The following NT5C2 variants were observed in gnomAD, a reference collection of about 807,000 sequenced individuals.
The protein encoded by NT5C2 is cytosolic purine 5'-nucleotidase.
NT5C2 carries 58 observed loss-of-function variants against 76.1 expected under a neutral mutation model. That is an observed-to-expected ratio of 0.76 (90% confidence interval 0.62 to 0.95). The LOEUF is 0.95. NT5C2 is among the 40% of genes least tolerant of loss of function. The pLI is 0.00. For missense variants in NT5C2, 478 were observed against 690.3 expected, an observed-to-expected ratio of 0.69 and a Z score of 3.45; for synonymous variants, 229 against 237.4, an observed-to-expected ratio of 0.96 and a Z score of 0.32.
intron 3 of NT5C2, among the ~76,000 whole-genome samples, chr10:103,159,250 TGCACAC>T (rs2084182918): frequency 4.6e-5 from 3 of 65,780 alleles, no homozygotes; most frequent in Non-Finnish European, 8.9e-5. Flanking sequence ...CTCCAAAACA[TGCACAC>T]ACACACACAC....
intron 4 of NT5C2, among the ~76,000 whole-genome samples, chr10:103,134,507 T>A (rs1032252697): frequency 6.6e-6 from 1 of 152,150 alleles, no homozygotes. Context: ...CCACCTATAT[T>A]TCAGAGGATG....
At chr10:103,135,354 A>G (rs929545727) in intron 4 of NT5C2, among the ~76,000 whole-genome samples, 1 of 152,152 alleles carries the variant, frequency 6.6e-6, no homozygotes, top group African/African-American at 2.4e-5. Flanking sequence ...ATGAGATCTG[A>G]TGGTTTTAAA....
intron 4 of NT5C2, among the ~76,000 whole-genome samples, chr10:103,121,041 G>C (rs1214283985): frequency 6.6e-6 from 1 of 152,100 alleles, no homozygotes; most frequent in Non-Finnish European, 1.5e-5. Flanking sequence ...AACAAGTATT[G>C]TATAATTTCA....
chr10:103,129,790 C>G (rs1289429434), intron 4 of NT5C2, among the ~76,000 whole-genome samples: 3 of 106,244 alleles, frequency 2.8e-5, no homozygotes, highest in Admixed American at 8.7e-5. Context: ...CCGCCCCGTC[C>G]GGGAGGTGAG....
chr10:103,093,755 A>C (rs2067477827), intron 14 of NT5C2: 6 of 509,750 alleles, frequency 1.2e-5, no homozygotes, highest in Middle Eastern at 5.2e-4. Context: ...TAAAAAAAAA[A>C]CTGATCATTT....
intron 4 of NT5C2, among the ~76,000 whole-genome samples, chr10:103,121,786 A>T (rs1025034183): frequency 6.6e-6 from 1 of 152,176 alleles, no homozygotes; most frequent in Non-Finnish European, 1.5e-5. Flanking sequence ...CCTAGAAAGG[A>T]GGGGAGGGCA....
intron 3 of NT5C2, among the ~76,000 whole-genome samples, chr10:103,143,005 A>G (rs1315397486): frequency 6.6e-6 from 1 of 150,878 alleles, no homozygotes; most frequent in Non-Finnish European, 1.5e-5. Context: ...AAAAAAAAAG[A>G]AGAATAGAAA....
chr10:103,136,195 G>A (rs913000470), intron 4 of NT5C2, among the ~76,000 whole-genome samples: 4 of 152,080 alleles, frequency 2.6e-5, no homozygotes, highest in African/African-American at 9.7e-5. Context: ...TGAAAATCTC[G>A]ATAAACTGTC....
At chr10:103,130,017 A>G (rs2077783647) in intron 4 of NT5C2, among the ~76,000 whole-genome samples, 1 of 150,492 alleles carries the variant, frequency 6.6e-6, no homozygotes, top group Non-Finnish European at 1.5e-5. Context: ...GGAAGTGAGG[A>G]GCCCCTCTGC....
intron 3 of NT5C2, among the ~76,000 whole-genome samples, chr10:103,150,324 C>T (rs1397932114): frequency 6.6e-6 from 1 of 152,150 alleles, no homozygotes; most frequent in South Asian, 2.1e-4. Context: ...GCTTACTTAG[C>T]AATACTTCTG....
At chr10:103,142,021 A>G (rs1233970827) in intron 3 of NT5C2, among the ~76,000 whole-genome samples, 1 of 152,206 alleles carries the variant, frequency 6.6e-6, no homozygotes, top group Non-Finnish European at 1.5e-5. Context: ...AAGGCAACGC[A>G]GGCAAAATAA....
intron 3 of NT5C2, among the ~76,000 whole-genome samples, chr10:103,145,281 G>C (rs2081280670): frequency 6.6e-6 from 1 of 152,186 alleles, no homozygotes; most frequent in Non-Finnish European, 1.5e-5. Flanking sequence ...CCAGGATACA[G>C]TCTTCAAGAG....
intron 4 of NT5C2, among the ~76,000 whole-genome samples, chr10:103,126,308 G>T (rs961998839): frequency 5.9e-5 from 9 of 152,148 alleles, no homozygotes; most frequent in African/African-American, 2.2e-4. Context: ...ATTGTAAATA[G>T]GCTTGGCAGG....
intron 4 of NT5C2, among the ~76,000 whole-genome samples, chr10:103,132,830 G>A (rs756656423): frequency 2.6e-4 from 39 of 152,134 alleles, no homozygotes; most frequent in African/African-American, 8.2e-4. Flanking sequence ...GATTATAGGC[G>A]TGAGCCACCG....
chr10:103,180,532 G>C (rs1452600591), intron 2 of NT5C2, among the ~76,000 whole-genome samples: 1 of 152,172 alleles, frequency 6.6e-6, no homozygotes, highest in African/African-American at 2.4e-5. Flanking sequence ...AGGAGTTCAA[G>C]AGCAGCCTGG....
intron 1 of NT5C2, among the ~76,000 whole-genome samples, chr10:103,188,176 G>A (rs955944070): frequency 6.6e-5 from 10 of 152,014 alleles, no homozygotes; most frequent in East Asian, 5.8e-4. Flanking sequence ...CCAACATAGC[G>A]AAACCCCCAT....
chr10:103,144,948 A>G (rs1187444608), intron 3 of NT5C2, among the ~76,000 whole-genome samples: 1 of 152,150 alleles, frequency 6.6e-6, no homozygotes, highest in African/African-American at 2.4e-5. Context: ...TCTCCCCCCA[A>G]TTCATTTCTA....
At chr10:103,169,201 C>T (rs1591698157) in intron 3 of NT5C2, 2 of 152,194 alleles carry the variant, frequency 1.3e-5, no homozygotes, top group Non-Finnish European at 2.9e-5. Context: ...TTGATTTAGC[C>T]ATTCCATATC....
chr10:103,174,721 G>T, intron 3 of NT5C2, 137 bp downstream of exon 3: 1 of 641,452 alleles, frequency 1.6e-6, no homozygotes. Context: ...TCTCGACTTA[G>T]AACTAGATTT....
Sources: gnomAD v4.1 joint callset for allele counts (sites outside exome capture counted in the v4.1 genomes callset) on GRCh38, gnomAD v4.1.1 for gene constraint, MANE v1.5 for transcripts, NCBI Gene and HGNC (gene_info 2026-07-23, HGNC 2026-07-21) for gene names.